Variants in UTRN observed in about 807,000 individuals in gnomAD.
The protein encoded by UTRN is dystrophin-related protein 1.
A neutral mutation model predicts 463.9 loss-of-function variants in UTRN; 283 were observed. That is an observed-to-expected ratio of 0.61 (90% CI 0.55 to 0.67). UTRN has a LOEUF of 0.67. Ranked by LOEUF, UTRN falls within the 30% of genes least tolerant of loss-of-function variation. UTRN has a pLI of 0.00. For synonymous variants in UTRN, 1,442 were observed against 1,431.5 expected (o/e 1.01, Z -0.17); for missense variants, 3,922 against 4,084.3 (o/e 0.96, Z 1.08).
intron 23 of UTRN, among the ~76,000 whole-genome samples, chr6:144,469,666 T>A (rs1328325996): frequency 6.6e-6 from 1 of 151,948 alleles, no homozygotes; most frequent in African/African-American, 2.4e-5. Context: ...TTTGGGATGA[T>A]CCATTGGCCT....
chr6:144,632,771 G>A (rs567841603), intron 51 of UTRN, among the ~76,000 whole-genome samples: 2 of 151,092 alleles, frequency 1.3e-5, no homozygotes, highest in African/African-American at 4.9e-5. Context: ...GCCTAGGCTG[G>A]AGTGCAATGG....
At chr6:144,353,937 T>C (rs1778334527) in intron 2 of UTRN, among the ~76,000 whole-genome samples, 1 of 152,098 alleles carries the variant, frequency 6.6e-6, no homozygotes, top group Non-Finnish European at 1.5e-5. Context: ...GCAACTGTGG[T>C]TTGCTGGGTG....
chr6:144,477,879 C>CTATG (rs1791407651), intron 25 of UTRN, among the ~76,000 whole-genome samples: 1 of 148,236 alleles, frequency 6.7e-6, no homozygotes, highest in African/African-American at 2.6e-5. Context: ...CTCTATCTAT[C>CTATG]TATCTATCTA....
At chr6:144,394,470 T>G (rs943882845) in intron 2 of UTRN, among the ~76,000 whole-genome samples, 3 of 152,158 alleles carry the variant, frequency 2.0e-5, no homozygotes, top group African/African-American at 7.2e-5. Flanking sequence ...GTTCCTCCCA[T>G]AACCCATGGG....
At chr6:144,699,378 CGCAGTGA>C (rs2128697051) in intron 52 of UTRN, among the ~76,000 whole-genome samples, 1 of 149,418 alleles carries the variant, frequency 6.7e-6, no homozygotes, top group African/African-American at 2.5e-5. Context: ...AGGCAGAGGT[CGCAGTGA>C]GCCGAGATTG....
chr6:144,291,921 G>C lies in UTRN; in HGVS notation c.79+14G>C. 6.3e-7 allele frequency: 1 copy of C among 1,598,864 alleles called. No individual in the cohort carries two copies. The highest frequency in any genetic ancestry group is 8.5e-7 in the Non-Finnish European group (1 of 1,173,722). On this transcript the variant is annotated intron_variant, in intron 2 of 74. Coordinates refer to ENST00000367545, the MANE Select transcript of UTRN (RefSeq NM_007124.3). ...AGTCCAGATCTGGTAGGTAAAGGAA[G>C]CTCAAGAAAGCTATGGATTTTTATG...
intron 51 of UTRN, among the ~76,000 whole-genome samples, chr6:144,585,201 A>C (rs1000816673): frequency 6.6e-6 from 1 of 152,128 alleles, no homozygotes; most frequent in African/African-American, 2.4e-5. Flanking sequence ...TTACCATCAG[A>C]AGTGCTTTTT....
intron 1 of UTRN, among the ~76,000 whole-genome samples, chr6:144,288,153 G>A (rs1803868539): frequency 6.6e-6 from 1 of 152,210 alleles, no homozygotes; most frequent in Non-Finnish European, 1.5e-5. Flanking sequence ...ATAGCCTTCT[G>A]TTATTCTTCT....
chr6:144,432,773 G>A (rs2114875872), intron 9 of UTRN, among the ~76,000 whole-genome samples: 1 of 152,086 alleles, frequency 6.6e-6, no homozygotes, highest in African/African-American at 2.4e-5. Context: ...GTGGAGGGAA[G>A]GTCAGCAGAT....
At chr6:144,423,835 G>T in intron 5 of UTRN, 151 bp from the exon 6 acceptor site, 1 of 912,194 alleles carries the variant, frequency 1.1e-6, no homozygotes, top group Admixed American at 2.7e-5. Flanking sequence ...ATACATTTTT[G>T]AGATTTAAGC....
At chr6:144,802,131 A>G (rs1026670395) in intron 64 of UTRN, among the ~76,000 whole-genome samples, 4 of 152,196 alleles carry the variant, frequency 2.6e-5, no homozygotes, top group African/African-American at 9.6e-5. Flanking sequence ...ACAAAATTTC[A>G]TTTAGAAAGA....
intron 51 of UTRN, among the ~76,000 whole-genome samples, chr6:144,618,227 T>A (rs1043200540): frequency 2.6e-5 from 4 of 152,188 alleles, no homozygotes. Flanking sequence ...AATGGAAGCT[T>A]TGGGATATCC....
At chr6:144,705,236 T>A (rs1224028247) in intron 53 of UTRN, among the ~76,000 whole-genome samples, 1 of 152,124 alleles carries the variant, frequency 6.6e-6, no homozygotes, top group Non-Finnish European at 1.5e-5. Context: ...GAAAAGGCAC[T>A]GAGCTAGAAT....
At chr6:144,608,540 C>T (rs73003697) in intron 51 of UTRN, among the ~76,000 whole-genome samples, 4,164 of 152,182 alleles carry the variant, frequency 0.027, 75 homozygotes, top group Non-Finnish European at 0.04. Flanking sequence ...GAACAATAAG[C>T]GGAACAGTTT....
chr6:144,777,609 T>C (rs1383163017), intron 60 of UTRN, among the ~76,000 whole-genome samples: 2 of 152,212 alleles, frequency 1.3e-5, no homozygotes, highest in Non-Finnish European at 2.9e-5. Context: ...CACATATGTA[T>C]TTTCTGTTTT....
In UTRN at chr6:144,477,903, C is replaced by A. The variant is rs1791414819; in HGVS notation, c.3337-1909C>A. Among the ~76,000 whole-genome samples the A allele has an allele frequency of 2.0e-5, 3 of 151,638 alleles. No homozygotes were observed. In the South Asian group the frequency reaches 6.2e-4, roughly 31 times the overall value. ...TCTATCTATCTATCTATCTATCTAT[C>A]TATCTATCCATCCATCCACATACAT... On this transcript the variant is annotated intron_variant, in intron 25 of 74. Transcript: ENST00000367545.
intron 51 of UTRN, among the ~76,000 whole-genome samples, chr6:144,662,051 A>C (rs570541811): frequency 6.6e-6 from 1 of 152,264 alleles, no homozygotes. Flanking sequence ...GCGAACTCAA[A>C]GAAACAGTCC....
intron 52 of UTRN, among the ~76,000 whole-genome samples, chr6:144,692,666 A>G (rs1330399043): frequency 1.3e-5 from 2 of 151,910 alleles, no homozygotes; most frequent in Non-Finnish European, 2.9e-5. Context: ...TTTTTTTTTA[A>G]TATGCTTGTC....
At chr6:144,483,680 C>A (rs972698887) in intron 27 of UTRN, among the ~76,000 whole-genome samples, 1 of 152,162 alleles carries the variant, frequency 6.6e-6, no homozygotes, top group African/African-American at 2.4e-5. Context: ...AACTCTTGGG[C>A]TCAAGCCATC....
Sources: gnomAD v4.1 joint callset for allele counts (sites outside exome capture counted in the v4.1 genomes callset) on GRCh38, gnomAD v4.1.1 for gene constraint, MANE v1.5 for transcripts, NCBI Gene and HGNC (gene_info 2026-07-23, HGNC 2026-07-21) for gene names.